The following ATP2C1 variants were observed in gnomAD, a reference collection of about 807,000 sequenced individuals.
ATP2C1 encodes the protein ATPase secretory pathway Ca2+ transporting 1, also known as calcium-transporting ATPase type 2C member 1.
Under a neutral mutation model 120.5 loss-of-function variants are expected in ATP2C1, and 31 were observed. The observed-to-expected ratio is 0.26, with a 90% CI of 0.19 to 0.35. The LOEUF (loss-of-function observed/expected upper bound fraction) is 0.35, where lower values mean the gene tolerates loss of function less well. Ranked by LOEUF, ATP2C1 falls within the 10% of genes least tolerant of loss-of-function variation. The pLI is 1.00. For synonymous variants in ATP2C1, 351 were observed against 358.7 expected, an observed-to-expected ratio of 0.98 and a Z score of 0.24; for missense variants, 731 against 1,107.5, an observed-to-expected ratio of 0.66 and a Z score of 4.83.
At chr3:130,864,756 A>T (rs2068115119) in intron 1 of ATP2C1, among the ~76,000 whole-genome samples, 1 of 152,234 alleles carries the variant, frequency 6.6e-6, no homozygotes, top group African/African-American at 2.4e-5. Flanking sequence ...GAGCCTGTGA[A>T]TGCACTGAAG....
chr3:130,963,124 G>A (rs890550138), intron 12 of ATP2C1: 2 of 151,956 alleles, frequency 1.3e-5, no homozygotes, highest in South Asian at 2.1e-4. Context: ...ATTATAAAAG[G>A]CGAGTGAAAT....
chr3:130,986,664 C>T (rs531291979), intron 20 of ATP2C1, among the ~76,000 whole-genome samples: 1 of 152,168 alleles, frequency 6.6e-6, no homozygotes, highest in Admixed American at 6.5e-5. Context: ...AAGTGGAATT[C>T]TATAAATACT....
chr3:130,936,102 A>G (rs2059658254), intron 5 of ATP2C1, among the ~76,000 whole-genome samples: 1 of 152,206 alleles, frequency 6.6e-6, no homozygotes, highest in Non-Finnish European at 1.5e-5. Flanking sequence ...TCAAGCAATA[A>G]TTAGGGTTTT....
intron 8 of ATP2C1, among the ~76,000 whole-genome samples, chr3:130,951,786 T>G (rs908534597): frequency 8.5e-5 from 13 of 152,192 alleles, no homozygotes; most frequent in African/African-American, 2.9e-4. Flanking sequence ...ACTATTGATC[T>G]GTATTTTAAA....
Position 130,955,843 on chromosome 3 carries a change from A to AG in ATP2C1, c.757-259dup, listed in dbSNP as rs2060557452. ...GAGGGAGAACAGATTTTTCCTCAAA[A>AG]GGAAGCATAGAGAGAACGGACCTTT... On this transcript the variant is annotated intron_variant, in intron 10 of 27. Coordinates refer to ENST00000510168, the MANE Select transcript of ATP2C1 (RefSeq NM_001378687.1). 8.6e-6 allele frequency: 3 copies of AG among 348,082 alleles called. No homozygotes were observed. The South Asian group carries it at 8.7e-5, about 10-fold the overall frequency. 21.6% of individuals were successfully genotyped at this position (348,082 alleles called of 1,614,324 possible). A position where few individuals can be genotyped will look rare whatever the true frequency, so the allele number is the denominator to read the frequency against.
At chr3:130,930,142 T>C (rs2108342532) in intron 2 of ATP2C1, 2 of 426,278 alleles carry the variant, frequency 4.7e-6, no homozygotes, top group Admixed American at 3.5e-5. Context: ...TTTACTCTTA[T>C]GTTGGTGGAG....
intron 1 of ATP2C1, among the ~76,000 whole-genome samples, chr3:130,872,723 T>C (rs1559874550): frequency 1.3e-5 from 2 of 152,136 alleles, no homozygotes; most frequent in Admixed American, 6.5e-5. Context: ...TAGCTGTGAT[T>C]ACGGGCACCT....
chr3:130,967,022 C>CAAAA (rs2061075795), intron 14 of ATP2C1, 123 bp from the exon 15 acceptor site: 1 of 800,402 alleles, frequency 1.2e-6, no homozygotes, highest in Non-Finnish European at 2.2e-6. Context: ...TAGGTGAACA[C>CAAAA]TTTTAACAGT....
Position 130,980,571 on chromosome 3 carries a change from A to G in ATP2C1, c.1742-11A>G, listed in dbSNP as rs1181716059. On this transcript the variant is annotated splice_polypyrimidine_tract_variant and intron_variant, in intron 19 of 27. Transcript: ENST00000510168. Reference sequence around the variant, plus strand: ...TTTGGTTTATTACATTTTCTCTCTCATTTGCTTTAGCCAGTCGTCTGGGAT... The same window carrying G: ...TTTGGTTTATTACATTTTCTCTCTCGTTTGCTTTAGCCAGTCGTCTGGGAT... 3.1e-6 allele frequency: 5 copies of G among 1,606,302 alleles called. No homozygotes were observed. The highest frequency in any genetic ancestry group is 4.3e-6 in the Non-Finnish European group (5 of 1,173,414).
chr3:130,988,355 A>C (rs2062125731), intron 20 of ATP2C1, among the ~76,000 whole-genome samples: 1 of 152,138 alleles, frequency 6.6e-6, no homozygotes, highest in African/African-American at 2.4e-5. Context: ...ACTGAAAAGG[A>C]GGACTCATAA....
At chr3:130,875,775 G>A (rs1273813763) in intron 1 of ATP2C1, among the ~76,000 whole-genome samples, 1 of 152,016 alleles carries the variant, frequency 6.6e-6, no homozygotes, top group African/African-American at 2.4e-5. Context: ...TATCCTCACT[G>A]GCATTTGTTA....
chr3:130,909,634 G>A (rs2058296110), intron 2 of ATP2C1, among the ~76,000 whole-genome samples: 1 of 152,050 alleles, frequency 6.6e-6, no homozygotes, highest in Non-Finnish European at 1.5e-5. Context: ...AAATAGTCTA[G>A]GCTCATTGAC....
chr3:130,928,482 AT>A (rs1322902333), intron 2 of ATP2C1, among the ~76,000 whole-genome samples: 1 of 152,214 alleles, frequency 6.6e-6, no homozygotes, highest in Non-Finnish European at 1.5e-5. Flanking sequence ...GTTGAGAAAC[AT>A]TTTATGAGTA....
At chr3:130,973,005 T>C (rs2061397322) in intron 17 of ATP2C1, among the ~76,000 whole-genome samples, 1 of 152,120 alleles carries the variant, frequency 6.6e-6, no homozygotes, top group Non-Finnish European at 1.5e-5. Flanking sequence ...AAATGTTTAT[T>C]AAATAAAGTC....
At chr3:130,994,147 T>C (rs2062485887) in intron 22 of ATP2C1, 49 bp downstream of exon 22, 1 of 1,603,772 alleles carries the variant, frequency 6.2e-7, no homozygotes, top group Admixed American at 1.7e-5. Flanking sequence ...CCCCTATCCT[T>C]TCCTGTCCCC....
intron 2 of ATP2C1, among the ~76,000 whole-genome samples, chr3:130,929,589 G>T (rs1390712645): frequency 6.6e-6 from 1 of 152,146 alleles, no homozygotes; most frequent in African/African-American, 2.4e-5. Context: ...CAATTCAAGT[G>T]TTTTCGTCTC....
rs368899314 is a variant in ATP2C1 at position 130,955,546 on chromosome 3, T to C, written c.756+466T>C. ...TGAGTTCATTTTAAATACTTTCTTA[T>C]TATAAAAAGAAGCTTCATTCTGCAA... On this transcript the variant is annotated intron_variant, in intron 10 of 27. Coordinates refer to ENST00000510168, the MANE Select transcript of ATP2C1 (RefSeq NM_001378687.1). Among the ~76,000 whole-genome samples the C allele has an allele frequency of 2.6e-5, 4 of 152,316 alleles. No homozygotes were observed. In the East Asian group the frequency reaches 7.7e-4, roughly 29 times the overall value.
chr3:130,970,795 C>T lies in ATP2C1; in HGVS notation c.1413+1399C>T, dbSNP rs373292148. Among the ~76,000 whole-genome samples, 5 of 152,014 alleles carry T rather than the reference C, an allele frequency of 3.3e-5. No individual in the cohort carries two copies. The East Asian group carries it at 5.8e-4, about 18-fold the overall frequency. On this transcript the variant is annotated intron_variant, in intron 17 of 27. Transcript: ENST00000510168. ...TTTTTGCATGTGATACCTATGATTA[C>T]GTCTCTATAGAAAACAGGAATGAAG...
chr3:130,914,695 A>T (rs2058601625), intron 2 of ATP2C1, among the ~76,000 whole-genome samples: 2 of 152,190 alleles, frequency 1.3e-5, no homozygotes, highest in African/African-American at 2.4e-5. Context: ...TGAAGCAAGG[A>T]ATTAAAAACA....
Sources: gnomAD v4.1 joint callset for allele counts (sites outside exome capture counted in the v4.1 genomes callset) on GRCh38, gnomAD v4.1.1 for gene constraint, MANE v1.5 for transcripts, NCBI Gene and HGNC (gene_info 2026-07-23, HGNC 2026-07-21) for gene names.